TTC39B: variants seen among roughly 807,000 people sequenced by gnomAD.
TTC39B encodes tetratricopeptide repeat protein 39B.
In TTC39B, 92 loss-of-function variants were observed where a neutral mutation model predicts 96.6. The observed-to-expected ratio is 0.95, with a 90% CI of 0.80 to 1.13. The LOEUF is 1.13. Among genes scored for constraint, TTC39B ranks in the 50% most tolerant of loss-of-function variants. The probability of loss-of-function intolerance (pLI) is 0.00; values close to 1 mark genes in which losing one functional copy is unlikely to be tolerated. For synonymous variants in TTC39B, 367 were observed against 299.4 expected (o/e 1.23, Z -2.33); for missense variants, 955 against 809.3 (o/e 1.18, Z -2.18).
At chr9:15,192,659 G>T (rs1181970007) in exon 9 of TTC39B, 1 of 1,613,910 alleles carries the variant, frequency 6.2e-7, no homozygotes, top group Non-Finnish European at 8.5e-7. Flanking sequence ...GCTGAAGTTT[G>T]TTCTTCTGAA....
chr9:15,300,898 A>AG (rs1323736492), intron 1 of TTC39B, among the ~76,000 whole-genome samples: 4 of 114,220 alleles, frequency 3.5e-5, no homozygotes, highest in African/African-American at 2.0e-4. Context: ...TCTCAAAAAA[A>AG]AAAAAAAAAA....
intron 2 of TTC39B, among the ~76,000 whole-genome samples, chr9:15,243,500 G>T (rs749771639): frequency 3.3e-5 from 5 of 152,146 alleles, no homozygotes; most frequent in African/African-American, 7.2e-5. Context: ...GCCCCTGCAA[G>T]GAAACCAATT....
chr9:15,230,164 G>C (rs948873783), intron 2 of TTC39B, among the ~76,000 whole-genome samples: 16 of 152,146 alleles, frequency 1.1e-4, no homozygotes, highest in African/African-American at 3.9e-4. Flanking sequence ...ACAGCTATTA[G>C]TACATTGGAA....
chr9:15,256,698 G>C (rs1822763661), intron 2 of TTC39B, among the ~76,000 whole-genome samples: 1 of 152,188 alleles, frequency 6.6e-6, no homozygotes, highest in Non-Finnish European at 1.5e-5. Context: ...CGCCAGCTGA[G>C]AGTGGAGGAT....
At chr9:15,214,630 A>C (rs1258467092) in intron 3 of TTC39B, among the ~76,000 whole-genome samples, 1 of 152,198 alleles carries the variant, frequency 6.6e-6, no homozygotes, top group Non-Finnish European at 1.5e-5. Context: ...GGAATAAGTT[A>C]GTTTTCCTGA....
intron 2 of TTC39B, among the ~76,000 whole-genome samples, chr9:15,234,146 C>T (rs1258709825): frequency 2.0e-5 from 3 of 149,792 alleles, no homozygotes; most frequent in African/African-American, 7.4e-5. Context: ...GTGAGGAGTC[C>T]CTCTGCCCGG....
intron 1 of TTC39B, among the ~76,000 whole-genome samples, chr9:15,285,326 C>T (rs184399320): frequency 2.3e-3 from 346 of 151,146 alleles, no homozygotes; most frequent in African/African-American, 8.1e-3. Context: ...TGTTTACTTT[C>T]AGTCTCTAGA....
intron 13 of TTC39B, among the ~76,000 whole-genome samples, chr9:15,189,137 T>C (rs1818703975): frequency 6.6e-6 from 1 of 152,228 alleles, no homozygotes; most frequent in Non-Finnish European, 1.5e-5. Context: ...CTCCTTACTT[T>C]TCTACTTCTG....
chr9:15,180,636 T>G (rs1223780645), intron 17 of TTC39B, among the ~76,000 whole-genome samples: 1 of 152,124 alleles, frequency 6.6e-6, no homozygotes, highest in African/African-American at 2.4e-5. Flanking sequence ...TGATGTAACC[T>G]CAGGTTTACA....
chr9:15,275,490 A>C (rs1823508049), intron 1 of TTC39B, among the ~76,000 whole-genome samples: 1 of 152,220 alleles, frequency 6.6e-6, no homozygotes, highest in South Asian at 2.1e-4. Context: ...TTTTAATGGG[A>C]AAGATTACTT....
At chr9:15,262,746 T>A (rs1822988907) in intron 2 of TTC39B, among the ~76,000 whole-genome samples, 1 of 152,218 alleles carries the variant, frequency 6.6e-6, no homozygotes, top group Non-Finnish European at 1.5e-5. Context: ...GTGTGAATCC[T>A]TTCATTAGGC....
chr9:15,222,364 G>A (rs1285447934), intron 3 of TTC39B, among the ~76,000 whole-genome samples: 1 of 152,136 alleles, frequency 6.6e-6, no homozygotes, highest in Non-Finnish European at 1.5e-5. Context: ...TATTCACACA[G>A]TGTGAACCAC....
intron 1 of TTC39B, among the ~76,000 whole-genome samples, chr9:15,296,654 C>T (rs1427985461): frequency 1.3e-5 from 2 of 152,152 alleles, no homozygotes; most frequent in Non-Finnish European, 2.9e-5. Flanking sequence ...GCCACCATGC[C>T]CAGCAAATTT....
At chr9:15,220,174 G>A (rs16932840) in intron 3 of TTC39B, among the ~76,000 whole-genome samples, 1 of 152,126 alleles carries the variant, frequency 6.6e-6, no homozygotes, top group African/African-American at 2.4e-5. Flanking sequence ...GGGTTCTTTT[G>A]CAAGCCAATC....
At chr9:15,173,841 T>C (rs1281123603) in intron 19 of TTC39B, among the ~76,000 whole-genome samples, 1 of 152,144 alleles carries the variant, frequency 6.6e-6, no homozygotes, top group African/African-American at 2.4e-5. Context: ...CTAATAGCCA[T>C]CTTAAAGAAT....
intron 4 of TTC39B, among the ~76,000 whole-genome samples, chr9:15,211,768 CA>C (rs1820215386): frequency 6.6e-6 from 1 of 152,184 alleles, no homozygotes; most frequent in Admixed American, 6.5e-5. Flanking sequence ...TATTTTTTGA[CA>C]GAGAGATTCT....
intron 1 of TTC39B, among the ~76,000 whole-genome samples, chr9:15,271,679 C>A (rs1181887703): frequency 6.6e-6 from 1 of 152,172 alleles, no homozygotes; most frequent in African/African-American, 2.4e-5. Context: ...CAGACCAGTA[C>A]CAGTCCACGG....
intron 2 of TTC39B, among the ~76,000 whole-genome samples, chr9:15,244,151 G>A (rs1435431231): frequency 1.3e-5 from 2 of 152,220 alleles, no homozygotes; most frequent in South Asian, 2.1e-4. Context: ...GCAAGAGATA[G>A]GCACAGCTCC....
At chr9:15,183,696 A>C (rs746564045) in intron 16 of TTC39B, among the ~76,000 whole-genome samples, 22 of 152,224 alleles carry the variant, frequency 1.4e-4, no homozygotes, top group Non-Finnish European at 2.2e-4. Flanking sequence ...TTCCCAGTGC[A>C]AATCACTTAA....
Sources: gnomAD v4.1 joint callset for allele counts (sites outside exome capture counted in the v4.1 genomes callset) on GRCh38, gnomAD v4.1.1 for gene constraint, MANE v1.5 for transcripts, NCBI Gene and HGNC (gene_info 2026-07-23, HGNC 2026-07-21) for gene names.